ZFAT: variants seen among roughly 807,000 people sequenced by gnomAD.
ZFAT encodes the protein zinc finger and AT-hook domain containing, also known as zinc finger protein ZFAT.
Under a neutral mutation model 117.7 loss-of-function variants are expected in ZFAT, and 64 were observed. The ratio of observed to expected loss-of-function variants is 0.54; its 90% CI spans 0.44 to 0.67. The LOEUF (loss-of-function observed/expected upper bound fraction) is 0.67. ZFAT is among the 30% of genes least tolerant of loss of function. The probability of loss-of-function intolerance (pLI) is 0.00; values close to 1 mark genes in which losing one functional copy is unlikely to be tolerated. For missense variants in ZFAT, 1,433 were observed against 1,584.5 expected, an observed-to-expected ratio of 0.90 and a Z score of 1.62; for synonymous variants, 679 against 615.0, an observed-to-expected ratio of 1.10 and a Z score of -1.54.
chr8:134,573,250 ATGTGTGTGTGTGCCG>A (rs1235150695), intron 10 of ZFAT, among the ~76,000 whole-genome samples: 3 of 151,870 alleles, frequency 2.0e-5, no homozygotes, highest in South Asian at 2.1e-4. Flanking sequence ...GTATGTGTGC[ATGTGTGTGTGTGCCG>A]TGTGTGTGTG....
intron 12 of ZFAT, among the ~76,000 whole-genome samples, chr8:134,528,714 G>A (rs540226658): frequency 6.6e-6 from 1 of 152,288 alleles, no homozygotes; most frequent in South Asian, 2.1e-4. Flanking sequence ...CAGCCCTCTG[G>A]GAGAAGCAGC....
chr8:134,491,582 T>C (rs1818059959), intron 15 of ZFAT, among the ~76,000 whole-genome samples: 1 of 152,230 alleles, frequency 6.6e-6, no homozygotes, highest in African/African-American at 2.4e-5. Flanking sequence ...AGAATCCACT[T>C]TCTTGGCTTT....
intron 11 of ZFAT, among the ~76,000 whole-genome samples, chr8:134,559,303 C>T (rs891553055): frequency 6.6e-5 from 10 of 152,172 alleles, no homozygotes; most frequent in African/African-American, 2.4e-4. Flanking sequence ...TAAGTAAATA[C>T]AAATATGGTT....
At chr8:134,705,531 T>A (rs2131363939) in intron 1 of ZFAT, among the ~76,000 whole-genome samples, 1 of 151,714 alleles carries the variant, frequency 6.6e-6, no homozygotes, top group East Asian at 2.0e-4. Flanking sequence ...ATTTATTTTT[T>A]ATTTTTAATT....
At chr8:134,569,345 T>C (rs1385698736) in intron 10 of ZFAT, among the ~76,000 whole-genome samples, 5 of 152,150 alleles carry the variant, frequency 3.3e-5, no homozygotes, top group Non-Finnish European at 7.4e-5. Flanking sequence ...CCTCAGTCTG[T>C]TGACCCCAAC....
At chr8:134,502,755 G>A (rs1003296392) in intron 15 of ZFAT, among the ~76,000 whole-genome samples, 3 of 152,212 alleles carry the variant, frequency 2.0e-5, no homozygotes, top group African/African-American at 4.8e-5. Context: ...CATGTCAGAG[G>A]AGCACTTGGG....
chr8:134,744,115 G>T, the ZFAT span, among the ~76,000 whole-genome samples: 5 of 152,082 alleles, frequency 3.3e-5, no homozygotes, highest in African/African-American at 9.7e-5. Context: ...TCTAGTCAGG[G>T]TCTCACCATT....
At chr8:134,792,594 T>C in the ZFAT span, 2 of 152,216 alleles carry the variant, frequency 1.3e-5, no homozygotes, top group Non-Finnish European at 2.9e-5. Flanking sequence ...ATTTAAACGA[T>C]ACAGTATTAA....
the ZFAT span, among the ~76,000 whole-genome samples, chr8:134,742,897 T>C: frequency 6.6e-6 from 1 of 152,212 alleles, no homozygotes; most frequent in Non-Finnish European, 1.5e-5. Context: ...AGGGCCCTCC[T>C]GCCAGCGCCT....
intron 3 of ZFAT, among the ~76,000 whole-genome samples, 157 bp downstream of exon 3, chr8:134,637,304 A>G (rs1830276178): frequency 6.6e-6 from 1 of 152,266 alleles, no homozygotes; most frequent in African/African-American, 2.4e-5. Flanking sequence ...TACTTACGGT[A>G]ATAGTCATCA....
At chr8:134,492,745 T>G (rs1818140400) in intron 15 of ZFAT, among the ~76,000 whole-genome samples, 1 of 152,028 alleles carries the variant, frequency 6.6e-6, no homozygotes, top group South Asian at 2.1e-4. Flanking sequence ...AATCCTGAAT[T>G]TATAGAGGAA....
At chr8:134,773,282 C>T in the ZFAT span, among the ~76,000 whole-genome samples, 6 of 152,126 alleles carry the variant, frequency 3.9e-5, no homozygotes, top group East Asian at 1.2e-3. Context: ...ACCTTGATGA[C>T]AACACATTTG....
At chr8:134,537,312 A>AG (rs1821912448) in intron 11 of ZFAT, among the ~76,000 whole-genome samples, 2 of 152,248 alleles carry the variant, frequency 1.3e-5, no homozygotes, top group Non-Finnish European at 2.9e-5. Context: ...AGCCAACAGT[A>AG]AAGAGATGAT....
chr8:134,652,423 A>AT (rs1831299781), intron 2 of ZFAT, among the ~76,000 whole-genome samples: 1 of 152,232 alleles, frequency 6.6e-6, no homozygotes, highest in South Asian at 2.1e-4. Flanking sequence ...GATGGAATGG[A>AT]TGCAGATCCA....
the ZFAT span, among the ~76,000 whole-genome samples, chr8:134,804,405 G>A: frequency 6.6e-6 from 1 of 152,204 alleles, no homozygotes; most frequent in Middle Eastern, 3.2e-3. Context: ...GGGGGGCTAA[G>A]AGGACGGAGA....
At chr8:134,488,744 G>C (rs552937810) in intron 15 of ZFAT, among the ~76,000 whole-genome samples, 89 of 152,208 alleles carry the variant, frequency 5.8e-4, no homozygotes, top group African/African-American at 2.0e-3. Flanking sequence ...TGTCAGGGTC[G>C]GGGGAAGGTG....
the ZFAT span, among the ~76,000 whole-genome samples, chr8:134,720,778 GT>G: frequency 6.6e-6 from 1 of 152,256 alleles, no homozygotes; most frequent in Non-Finnish European, 1.5e-5. Flanking sequence ...ACACTGTAGA[GT>G]TCAGAGGTAG....
intron 15 of ZFAT, among the ~76,000 whole-genome samples, chr8:134,482,880 G>A (rs542411900): frequency 6.6e-6 from 1 of 152,204 alleles, no homozygotes; most frequent in South Asian, 2.1e-4. Context: ...GACACGCAGG[G>A]TTCCTGAAGG....
intron 11 of ZFAT, among the ~76,000 whole-genome samples, chr8:134,560,081 C>T (rs1054173877): frequency 6.6e-6 from 1 of 152,104 alleles, no homozygotes; most frequent in Non-Finnish European, 1.5e-5. Context: ...AATGAATGGG[C>T]CATTCAATCA....
Sources: gnomAD v4.1 joint callset for allele counts (sites outside exome capture counted in the v4.1 genomes callset) on GRCh38, gnomAD v4.1.1 for gene constraint, MANE v1.5 for transcripts, NCBI Gene and HGNC (gene_info 2026-07-23, HGNC 2026-07-21) for gene names.